ARHGAP15: variants seen among roughly 807,000 people sequenced by gnomAD.
ARHGAP15 encodes rho GTPase-activating protein 15.
Under a neutral mutation model 63.7 loss-of-function variants are expected in ARHGAP15, and 51 were observed. That is an observed-to-expected ratio of 0.80 (90% CI 0.64 to 1.01). The LOEUF (loss-of-function observed/expected upper bound fraction) is 1.01, where lower values mean the gene tolerates loss of function less well. Ranked by LOEUF, ARHGAP15 falls within the 50% of genes least tolerant of loss-of-function variation. The pLI is 0.00. For synonymous variants in ARHGAP15, 191 were observed against 193.8 expected (o/e 0.99, Z 0.12); for missense variants, 560 against 564.6 (o/e 0.99, Z 0.08).
chr2:143,275,348 T>G (rs1681492775), intron 6 of ARHGAP15, among the ~76,000 whole-genome samples: 1 of 152,090 alleles, frequency 6.6e-6, no homozygotes, highest in African/African-American at 2.4e-5. Context: ...CACGGAACTA[T>G]TGATAGCAAA....
intron 12 of ARHGAP15, among the ~76,000 whole-genome samples, chr2:143,695,141 T>A (rs907188437): frequency 6.6e-6 from 1 of 152,168 alleles, no homozygotes; most frequent in African/African-American, 2.4e-5. Context: ...AGTAAAGACT[T>A]TTTTTAATTA....
intron 12 of ARHGAP15, among the ~76,000 whole-genome samples, chr2:143,651,418 T>A (rs571712730): frequency 6.6e-6 from 1 of 152,114 alleles, no homozygotes; most frequent in Non-Finnish European, 1.5e-5. Flanking sequence ...ATTTTATTGC[T>A]AAGTAGCATT....
At chr2:143,244,094 AT>A (rs1693959950) in intron 5 of ARHGAP15, among the ~76,000 whole-genome samples, 1 of 152,086 alleles carries the variant, frequency 6.6e-6, no homozygotes, top group Admixed American at 6.6e-5. Flanking sequence ...TGTATTATTT[AT>A]TTTTATTTGT....
chr2:143,179,584 A>G (rs1176627430), intron 2 of ARHGAP15, among the ~76,000 whole-genome samples: 1 of 152,176 alleles, frequency 6.6e-6, no homozygotes, highest in African/African-American at 2.4e-5. Context: ...GAGCAATATC[A>G]TTTTGTATAA....
At chr2:143,375,799 G>A (rs551501974) in intron 6 of ARHGAP15, among the ~76,000 whole-genome samples, 9 of 152,208 alleles carry the variant, frequency 5.9e-5, no homozygotes, top group East Asian at 1.9e-4. Flanking sequence ...AGTTCATTCC[G>A]GCAGCCAAGA....
chr2:143,302,124 G>T (rs1046265774), intron 6 of ARHGAP15, among the ~76,000 whole-genome samples: 1 of 151,868 alleles, frequency 6.6e-6, no homozygotes, highest in African/African-American at 2.4e-5. Context: ...CCAAATAGAC[G>T]TAACCTCTTT....
chr2:143,533,565 A>G (rs1423122258), intron 10 of ARHGAP15, among the ~76,000 whole-genome samples: 1 of 152,164 alleles, frequency 6.6e-6, no homozygotes, highest in Non-Finnish European at 1.5e-5. Context: ...AAAAGGTATC[A>G]ATAATTTGTC....
chr2:143,635,877 G>C (rs1226853757), intron 12 of ARHGAP15, among the ~76,000 whole-genome samples: 1 of 151,952 alleles, frequency 6.6e-6, no homozygotes, highest in Non-Finnish European at 1.5e-5. Flanking sequence ...AAATTATATT[G>C]GATAATTATG....
At chr2:143,625,638 G>A (rs1698807382) in intron 12 of ARHGAP15, among the ~76,000 whole-genome samples, 1 of 152,072 alleles carries the variant, frequency 6.6e-6, no homozygotes, top group Non-Finnish European at 1.5e-5. Context: ...AACTTCATTT[G>A]AAAAGAAGAA....
chr2:143,720,457 G>C (rs771685953), intron 13 of ARHGAP15, among the ~76,000 whole-genome samples: 3 of 152,098 alleles, frequency 2.0e-5, no homozygotes, highest in Non-Finnish European at 4.4e-5. Context: ...TCTCGCAACC[G>C]AGACTCCATC....
At chr2:143,441,285 G>A (rs114314431) in intron 8 of ARHGAP15, among the ~76,000 whole-genome samples, 3 of 151,980 alleles carry the variant, frequency 2.0e-5, no homozygotes, top group South Asian at 2.1e-4. Flanking sequence ...ATCTAAGTAC[G>A]AGCAGCTGGT....
intron 4 of ARHGAP15, among the ~76,000 whole-genome samples, chr2:143,219,547 C>T (rs548562806): frequency 6.6e-6 from 1 of 152,236 alleles, no homozygotes; most frequent in South Asian, 2.1e-4. Context: ...TCCTTTGAAC[C>T]TGTTAGGAAT....
At chr2:143,644,892 A>G (rs1029951349) in intron 12 of ARHGAP15, among the ~76,000 whole-genome samples, 25 of 152,134 alleles carry the variant, frequency 1.6e-4, no homozygotes, top group Non-Finnish European at 2.9e-5. Flanking sequence ...GAGTATGTCA[A>G]TAACAACTCA....
chr2:143,468,505 A>G (rs1289531100), intron 8 of ARHGAP15, among the ~76,000 whole-genome samples: 1 of 152,126 alleles, frequency 6.6e-6, no homozygotes, highest in East Asian at 1.9e-4. Flanking sequence ...CAACTAATAA[A>G]ACTGCTTTCT....
At chr2:143,159,075 G>A (rs761133703) in intron 2 of ARHGAP15, among the ~76,000 whole-genome samples, 1 of 151,946 alleles carries the variant, frequency 6.6e-6, no homozygotes, top group African/African-American at 2.4e-5. Context: ...AATATTCACC[G>A]TTTCCATCTT....
At chr2:143,402,184 GTTT>G (rs1159238532) in intron 6 of ARHGAP15, among the ~76,000 whole-genome samples, 1 of 151,614 alleles carries the variant, frequency 6.6e-6, no homozygotes, top group African/African-American at 2.4e-5. Context: ...ACACCTCAGT[GTTT>G]TTTTAATCTT....
At chr2:143,198,803 C>T (rs1211870611) in intron 2 of ARHGAP15, among the ~76,000 whole-genome samples, 1 of 152,130 alleles carries the variant, frequency 6.6e-6, no homozygotes, top group Admixed American at 6.6e-5. Context: ...AGTGCCCACT[C>T]ATCAATATTG....
At chr2:143,148,510 AT>A (rs988043631) in intron 1 of ARHGAP15, among the ~76,000 whole-genome samples, 1 of 152,034 alleles carries the variant, frequency 6.6e-6, no homozygotes. Context: ...TTTAAAAAAT[AT>A]TTTACTTGAC....
chr2:143,446,701 A>G (rs1690156459), intron 8 of ARHGAP15, among the ~76,000 whole-genome samples: 1 of 151,770 alleles, frequency 6.6e-6, no homozygotes, highest in Non-Finnish European at 1.5e-5. Context: ...ATATGTATAC[A>G]TGTGCCATGC....
Sources: gnomAD v4.1 joint callset for allele counts (sites outside exome capture counted in the v4.1 genomes callset) on GRCh38, gnomAD v4.1.1 for gene constraint, MANE v1.5 for transcripts, NCBI Gene and HGNC (gene_info 2026-07-23, HGNC 2026-07-21) for gene names.